NUP160: variants seen among roughly 807,000 people sequenced by gnomAD.
The protein encoded by NUP160 is nucleoporin 160.
NUP160 carries 94 observed loss-of-function variants against 196.9 expected under a neutral mutation model. The observed-to-expected ratio is 0.48, with a 90% CI of 0.40 to 0.57. The LOEUF (loss-of-function observed/expected upper bound fraction) is 0.57. Ranked by LOEUF, NUP160 falls within the 20% of genes least tolerant of loss-of-function variation. The probability of loss-of-function intolerance (pLI) is 0.00; values close to 1 mark genes in which losing one functional copy is unlikely to be tolerated. For missense variants in NUP160, 1,638 were observed against 1,748.3 expected (o/e 0.94, Z 1.13); for synonymous variants, 605 against 619.7 (o/e 0.98, Z 0.35).
intron 9 of NUP160, chr11:47,821,352 CTTTTTTTTTTTTT>C (rs763021512): frequency 1.1e-5 from 1 of 94,960 alleles, no homozygotes; most frequent in African/African-American, 4.1e-5. Context: ...GCTCCCTTGT[CTTTTTTTTTTTTT>C]TTTTTTTTTT....
In NUP160 at chr11:47,819,571, G is replaced by GC. The variant is rs1458341057; in HGVS notation, c.1278-114dup. 6 of 581,594 alleles carry GC rather than the reference G, an allele frequency of 1.0e-5. No homozygotes were observed. In the Middle Eastern group the frequency reaches 8.3e-4, roughly 81 times the overall value. The allele number at this position is 581,594 out of a possible 1,614,324, so 36.0% of individuals were successfully genotyped here. On this transcript the variant is annotated intron_variant, in intron 9 of 35. Transcript: ENST00000378460. The stretch of plus-strand genomic sequence containing the variant: ...CCCATCACGGAACCCGGCAATGACT[G>GC]CTTCATCAATTCTATTAAAAACATT...
chr11:47,840,698 G>A, intron 2 of NUP160, 110 bp from the exon 3 acceptor site: 2 of 801,956 alleles, frequency 2.5e-6, no homozygotes, highest in Non-Finnish European at 3.8e-6. Context: ...TGAAAATTTT[G>A]GATAAACAGA....
chr11:47,831,932 T>G (rs1852085889), intron 7 of NUP160, among the ~76,000 whole-genome samples: 1 of 125,198 alleles, frequency 8.0e-6, no homozygotes, highest in African/African-American at 3.1e-5. Context: ...AGACAGAATC[T>G]CGGTCTGTCA....
intron 2 of NUP160, chr11:47,841,337 T>C: frequency 2.9e-6 from 1 of 349,484 alleles, no homozygotes; most frequent in South Asian, 4.0e-5. Context: ...GGCAGAATTT[T>C]CCTTGATCAT....
At chr11:47,803,586 G>A in intron 21 of NUP160, 50 bp from the exon 22 acceptor site, 3 of 973,840 alleles carry the variant, frequency 3.1e-6, no homozygotes, top group Non-Finnish European at 3.3e-6. Flanking sequence ...TGTTACTTAA[G>A]GAGATACTCA....
exon 16 of NUP160, chr11:47,812,413 C>A (rs1349784016): frequency 6.2e-7 from 1 of 1,613,100 alleles, no homozygotes; most frequent in Non-Finnish European, 8.5e-7. Context: ...CTACAAATAT[C>A]CTCCATCACA....
chr11:47,807,183 G>T, intron 18 of NUP160, 43 bp from the exon 19 acceptor site: 1 of 1,200,914 alleles, frequency 8.3e-7, no homozygotes, highest in Non-Finnish European at 1.2e-6. Flanking sequence ...ATTCTCCTAT[G>T]CTAAACATTA....
At chr11:47,835,743 T>A (rs766999657) in exon 7 of NUP160, 8 of 1,606,686 alleles carry the variant, frequency 5.0e-6, no homozygotes. Flanking sequence ...GTTCCAGCAG[T>A]AAGCCGAAGG....
intron 34 of NUP160, among the ~76,000 whole-genome samples, chr11:47,782,002 C>G (rs753965905): frequency 6.6e-6 from 1 of 151,896 alleles, no homozygotes; most frequent in Non-Finnish European, 1.5e-5. Flanking sequence ...ATGCCTAGGC[C>G]GGGCATGGTG....
chr11:47,802,704 G>A (rs1171680918), intron 22 of NUP160, among the ~76,000 whole-genome samples: 3 of 152,208 alleles, frequency 2.0e-5, no homozygotes, highest in African/African-American at 7.2e-5. Flanking sequence ...GCTGTGTGCA[G>A]TGGCTCATGC....
At chr11:47,804,488 A>G in intron 21 of NUP160, 61 bp downstream of exon 21, 1 of 1,154,260 alleles carries the variant, frequency 8.7e-7, no homozygotes, top group Non-Finnish European at 1.2e-6. Flanking sequence ...ACAAAGAAAA[A>G]AATTCAGCAA....
intron 7 of NUP160, among the ~76,000 whole-genome samples, chr11:47,825,628 A>G (rs1391495432): frequency 6.6e-6 from 1 of 151,696 alleles, no homozygotes; most frequent in Non-Finnish European, 1.5e-5. Flanking sequence ...TAGTTTTCGT[A>G]TTTTAGTAGA....
intron 17 of NUP160, among the ~76,000 whole-genome samples, chr11:47,811,417 G>C (rs186965076): frequency 6.6e-6 from 1 of 151,506 alleles, no homozygotes; most frequent in Non-Finnish European, 1.5e-5. Flanking sequence ...GCTGAGGCAG[G>C]AGAATTGCTT....
intron 12 of NUP160, 130 bp downstream of exon 12, chr11:47,815,816 A>C: frequency 1.1e-6 from 1 of 927,990 alleles, no homozygotes. Context: ...TCTCTAGTTA[A>C]AAGGTTTAAA....
chr11:47,837,490 G>C (rs1852198866), intron 5 of NUP160, 55 bp downstream of exon 5: 1 of 1,355,588 alleles, frequency 7.4e-7, no homozygotes, highest in East Asian at 2.3e-5. Flanking sequence ...CTGCCGACCA[G>C]TGCAAAAAGA....
At chr11:47,845,601 T>C (rs1159214812) in intron 2 of NUP160, among the ~76,000 whole-genome samples, 1 of 152,234 alleles carries the variant, frequency 6.6e-6, no homozygotes, top group Admixed American at 6.5e-5. Flanking sequence ...TTGTTGTTGT[T>C]GCCTATCTTC....
chr11:47,807,799 A>G (rs2097678617), intron 18 of NUP160, among the ~76,000 whole-genome samples: 1 of 152,120 alleles, frequency 6.6e-6, no homozygotes, highest in Non-Finnish European at 1.5e-5. Context: ...TATATTCAAC[A>G]TAATTTATAT....
Position 47,824,042 on chromosome 11 carries a change from T to C in NUP160, c.1102-1878A>G, listed in dbSNP as rs1366356455. 5.4e-5 allele frequency among the ~76,000 whole-genome samples: 6 copies of C among 110,904 alleles called. No individual in the cohort carries two copies. In the East Asian group the frequency reaches 1.2e-3, roughly 22 times the overall value. 72.8% of individuals were successfully genotyped at this position (110,904 alleles called of 152,430 possible). The stretch of plus-strand genomic sequence containing the variant: ...ATATATATATATATATATATATATA[T>C]ATATATATATACACACACACATAGA... On this transcript the variant is annotated intron_variant, in intron 7 of 35. Transcript: ENST00000378460.
At chr11:47,796,987 C>G (rs1164196570) in intron 27 of NUP160, among the ~76,000 whole-genome samples, 1 of 152,194 alleles carries the variant, frequency 6.6e-6, no homozygotes, top group East Asian at 1.9e-4. Flanking sequence ...GCCACCGCGC[C>G]CAACCCTAAA....
Sources: allele counts gnomAD v4.1 joint callset (sites outside exome capture counted in the v4.1 genomes callset), GRCh38; gene constraint gnomAD v4.1.1; transcripts MANE v1.5; gene names NCBI Gene and HGNC (gene_info 2026-07-23, HGNC 2026-07-21).